Variants in NCOA7 observed in about 807,000 individuals in gnomAD.
The protein encoded by NCOA7 is 140 kDa estrogen receptor-associated protein.
In NCOA7, 45 loss-of-function variants were observed where a neutral mutation model predicts 104.3. The ratio of observed to expected loss-of-function variants is 0.43; its 90% CI spans 0.34 to 0.55. NCOA7 has a LOEUF of 0.55. Ranked by LOEUF, NCOA7 falls within the 20% of genes least tolerant of loss-of-function variation. The pLI, the probability that NCOA7 is intolerant of heterozygous loss-of-function variation, is 0.02. For missense variants in NCOA7, 1,041 were observed against 1,119.7 expected, an observed-to-expected ratio of 0.93 and a Z score of 1.00; for synonymous variants, 398 against 402.3, an observed-to-expected ratio of 0.99 and a Z score of 0.13.
At chr6:125,902,189 C>T (rs1455521733) in intron 10 of NCOA7, among the ~76,000 whole-genome samples, 3 of 152,148 alleles carry the variant, frequency 2.0e-5, no homozygotes, top group Admixed American at 6.5e-5. Flanking sequence ...GCAGAGACCC[C>T]ACCCTTTTTT....
chr6:125,840,185 T>C (rs928973420), intron 2 of NCOA7, among the ~76,000 whole-genome samples: 8 of 151,722 alleles, frequency 5.3e-5, no homozygotes, highest in African/African-American at 1.7e-4. Context: ...GTTTAAAAAG[T>C]AAAACAAAAA....
chr6:125,809,616 G>A (rs1427730969), intron 1 of NCOA7, among the ~76,000 whole-genome samples: 1 of 152,136 alleles, frequency 6.6e-6, no homozygotes, highest in Non-Finnish European at 1.5e-5. Context: ...TTGTTTAGAT[G>A]ACAGTGTGGC....
intron 2 of NCOA7, among the ~76,000 whole-genome samples, chr6:125,821,983 C>G (rs959989097): frequency 1.3e-5 from 2 of 152,224 alleles, no homozygotes; most frequent in African/African-American, 4.8e-5. Flanking sequence ...TCCAGCCCCA[C>G]AGAGGCAACC....
At chr6:125,914,487 T>C (rs1419317388) in intron 10 of NCOA7, among the ~76,000 whole-genome samples, 2 of 152,230 alleles carry the variant, frequency 1.3e-5, no homozygotes, top group African/African-American at 2.4e-5. Context: ...CCTATTAATA[T>C]TATTGCAATT....
At chr6:125,919,156 C>T in intron 11 of NCOA7, 1 of 1,336,298 alleles carries the variant, frequency 7.5e-7, no homozygotes, top group Non-Finnish European at 1.0e-6. Context: ...AGTGTGTTTG[C>T]TCTAAATCCT....
At position 125,888,869 on chromosome 6, in the gene NCOA7, C is replaced by T; in HGVS notation, c.885-70C>T. On this transcript the variant is annotated intron_variant, in intron 8 of 15. Transcript: ENST00000392477. ...GGTTGAGTTTCTGTTTTGTTTTTTG[C>T]CTTTCCTCCATTTTGTTTTTGGTTT... The T allele has an allele frequency of 3.3e-6, 4 of 1,220,330 alleles. No individual in the cohort carries two copies. In the African/African-American group the frequency reaches 4.6e-5, roughly 14 times the overall value. 75.6% of individuals were successfully genotyped at this position (1,220,330 alleles called of 1,614,324 possible).
chr6:125,792,768 A>AT (rs1387075940), intron 1 of NCOA7, among the ~76,000 whole-genome samples: 2 of 149,858 alleles, frequency 1.3e-5, no homozygotes, highest in Non-Finnish European at 3.0e-5. Context: ...TTAAAATGTT[A>AT]TATCATTTTG....
chr6:125,895,654 C>G (rs1784944462), intron 10 of NCOA7, among the ~76,000 whole-genome samples: 1 of 152,160 alleles, frequency 6.6e-6, no homozygotes, highest in African/African-American at 2.4e-5. Context: ...TGCTGGCCAT[C>G]TCTGCTTCTG....
intron 2 of NCOA7, among the ~76,000 whole-genome samples, chr6:125,830,266 A>G (rs934142680): frequency 1.4e-4 from 22 of 152,346 alleles, no homozygotes; most frequent in African/African-American, 4.8e-4. Context: ...AACCTTTTCC[A>G]GGATGAGTAT....
intron 3 of NCOA7, among the ~76,000 whole-genome samples, chr6:125,860,261 A>C (rs989427561): frequency 2.6e-5 from 4 of 152,218 alleles, no homozygotes; most frequent in African/African-American, 9.7e-5. Flanking sequence ...AGCACCTTGG[A>C]ATGTTTATAA....
intron 2 of NCOA7, among the ~76,000 whole-genome samples, chr6:125,837,773 C>G (rs907244036): frequency 5.3e-5 from 8 of 152,136 alleles, no homozygotes; most frequent in African/African-American, 9.7e-5. Context: ...CATCCATATG[C>G]TATTATATTT....
intron 2 of NCOA7, among the ~76,000 whole-genome samples, chr6:125,816,462 G>A (rs1777599270): frequency 2.0e-5 from 3 of 152,152 alleles, no homozygotes; most frequent in Admixed American, 6.5e-5. Flanking sequence ...TCTCCAAAAG[G>A]CATGCTCCAG....
At chr6:125,787,733 T>A (rs1392925089), upstream of NCOA7, among the ~76,000 whole-genome samples, 1 of 152,240 alleles carries the variant, frequency 6.6e-6, no homozygotes, top group Non-Finnish European at 1.5e-5. Context: ...AATTCAGCAT[T>A]TACCAAGTAA....
chr6:125,781,988 A>G (rs915055989), intron 1 of NCOA7, among the ~76,000 whole-genome samples: 1 of 152,242 alleles, frequency 6.6e-6, no homozygotes, highest in Non-Finnish European at 1.5e-5. Context: ...ATTTGTGGCT[A>G]TTAGGCACTA....
chr6:125,928,561 T>TG (rs1479982530), intron 15 of NCOA7, 75 bp from the exon 16 acceptor site: 48 of 1,500,242 alleles, frequency 3.2e-5, no homozygotes, highest in Non-Finnish European at 4.2e-5. Flanking sequence ...GGAAAGAAGA[T>TG]GGGGGCAAGA....
At position 125,928,666 on chromosome 6, in the gene NCOA7, T is replaced by A; in HGVS notation, c.2724T>A (p.Asp908Glu). ...GATTTGGTTTATGGCTAGATGCTGA[T>A]TTATACCACGGACGAAGCAACTCTT... ...GGRFGLWLDADLYHGRSNSCS... is the reference protein window; with the variant it reads ...GGRFGLWLDAELYHGRSNSCS... The change falls in exon 16 of 16, where the codon GAT (aspartate) becomes GAA (glutamate). Residue 908 changes from aspartate (D) to glutamate (E), a missense_variant. This residue lies in a region of NCOA7 where 127 missense variants were observed against 177.0 expected (regional missense o/e 0.72). Transcript: ENST00000392477. 1 of 1,613,684 alleles carries A rather than the reference T, an allele frequency of 6.2e-7. No homozygotes were observed. The highest frequency in any genetic ancestry group is 1.7e-5 in the Admixed American group (1 of 59,956).
intron 2 of NCOA7, among the ~76,000 whole-genome samples, chr6:125,826,169 C>CA (rs1054819397): frequency 2.4e-4 from 36 of 151,316 alleles, no homozygotes; most frequent in East Asian, 2.1e-3. Flanking sequence ...CACTAAAATA[C>CA]AAAAAAAATT....
At chr6:125,901,008 C>G (rs1330092580) in intron 10 of NCOA7, among the ~76,000 whole-genome samples, 2 of 152,216 alleles carry the variant, frequency 1.3e-5, no homozygotes, top group Non-Finnish European at 2.9e-5. Context: ...CTTTGCCCTA[C>G]TGGGCTTCTG....
At chr6:125,783,716 G>A (rs754177545) in intron 1 of NCOA7, among the ~76,000 whole-genome samples, 22 of 152,086 alleles carry the variant, frequency 1.4e-4, no homozygotes, top group Non-Finnish European at 2.6e-4. Flanking sequence ...CATGGCCCAG[G>A]TACAGCCTGT....
Sources: allele counts gnomAD v4.1 joint callset (sites outside exome capture counted in the v4.1 genomes callset), GRCh38; gene constraint gnomAD v4.1.1; regional missense constraint gnomAD v4.1.1; transcripts MANE v1.5; gene names NCBI Gene and HGNC (gene_info 2026-07-23, HGNC 2026-07-21).